GRM7: variants seen among roughly 807,000 people sequenced by gnomAD.
GRM7 encodes glutamate metabotropic receptor 7.
A neutral mutation model predicts 84.5 loss-of-function variants in GRM7; 35 were observed. That is an observed-to-expected ratio of 0.41 (90% CI 0.32 to 0.55). The LOEUF (loss-of-function observed/expected upper bound fraction) is 0.55. Ranked by LOEUF, GRM7 falls within the 20% of genes least tolerant of loss-of-function variation. The pLI is 0.19. For missense variants in GRM7, 1,003 were observed against 1,194.6 expected (o/e 0.84, Z 2.36); for synonymous variants, 487 against 455.1 (o/e 1.07, Z -0.89).
At chr3:7,381,693 G>A (rs1314541660) in intron 4 of GRM7, among the ~76,000 whole-genome samples, 1 of 152,136 alleles carries the variant, frequency 6.6e-6, no homozygotes, top group African/African-American at 2.4e-5. Context: ...TTGGTTTGTT[G>A]TGAACATTAA....
chr3:6,909,242 G>C (rs142916390), intron 1 of GRM7, among the ~76,000 whole-genome samples: 32 of 152,222 alleles, frequency 2.1e-4, no homozygotes, highest in African/African-American at 4.8e-4. Flanking sequence ...CATCTAAGGA[G>C]GTGATCATTT....
intron 2 of GRM7, among the ~76,000 whole-genome samples, chr3:7,197,803 C>G (rs886884722): frequency 2.0e-5 from 3 of 151,376 alleles, no homozygotes; most frequent in Admixed American, 6.6e-5. Context: ...TCATGCTTAA[C>G]AATTCATAAT....
At chr3:7,160,522 T>C (rs988484426) in intron 2 of GRM7, among the ~76,000 whole-genome samples, 2 of 152,054 alleles carry the variant, frequency 1.3e-5, no homozygotes, top group Non-Finnish European at 2.9e-5. Flanking sequence ...AGATTTAGGT[T>C]TCCTTTCTTT....
chr3:7,445,835 T>C (rs1474546987), intron 5 of GRM7, among the ~76,000 whole-genome samples: 1 of 152,160 alleles, frequency 6.6e-6, no homozygotes, highest in East Asian at 1.9e-4. Context: ...TCTTTAAATA[T>C]TACAAAGCTG....
chr3:7,306,637 C>T lies in GRM7; in HGVS notation c.1018C>T (p.Arg340Ter), dbSNP rs1225077372. 1.9e-6 allele frequency: 3 copies of T among 1,604,388 alleles called. No individual in the cohort carries two copies. The highest frequency in any genetic ancestry group is 2.6e-6 in the Non-Finnish European group (3 of 1,175,014). ...AGGGGCCATCACCATTCAGCCCAAG[C>T]GAGCCACGGTGGAAGGTATGGGTTT... ...AEGAITIQPK[R>*]ATVEGFDAYF... is the part of the protein sequence containing the mutation. Residue 340 changes from arginine to a stop codon, truncating the protein, a stop_gained, in exon 4 of 10, where the codon CGA becomes TGA. Coordinates refer to ENST00000357716, the MANE Select transcript of GRM7 (RefSeq NM_000844.4). LOFTEE classifies it high-confidence loss of function.
intron 1 of GRM7, among the ~76,000 whole-genome samples, chr3:7,067,813 C>T (rs1056913791): frequency 6.6e-6 from 1 of 151,930 alleles, no homozygotes; most frequent in African/African-American, 2.4e-5. Context: ...TGGAGAACAG[C>T]TAGCCAATTT....
Position 7,055,477 on chromosome 3 carries a change from CTGTGTG to C in GRM7, c.520-90951_520-90946del, listed in dbSNP as rs148298277. Among the ~76,000 whole-genome samples the C allele has an allele frequency of 3.4e-3, 494 of 143,656 alleles. 5 individuals are homozygous for C. Among genetic ancestry groups the C allele is most frequent in the South Asian group, 0.012 (52 of 4,422 alleles). The allele number at this position is 143,656 out of a possible 152,430, so 94.2% of individuals were successfully genotyped here. ...TTTTATATATAAATATTTTATATATCTGTGTGTGTGTGTGTGTGTGTGTGTGTGTAT... is the reference window on the plus strand; with the variant it reads ...TTTTATATATAAATATTTTATATATCTGTGTGTGTGTGTGTGTGTGTGTAT... On this transcript the variant is annotated intron_variant, in intron 1 of 9. Coordinates refer to ENST00000357716, the MANE Select transcript of GRM7 (RefSeq NM_000844.4).
chr3:7,619,645 G>C lies in GRM7; in HGVS notation c.2451+40288G>C, dbSNP rs1285764273. On this transcript the variant is annotated intron_variant, in intron 8 of 9. Transcript: ENST00000357716. ...TGTCTTCTGAGGAAGATCAGTGAACGTGGAAGTATCCAGAGATCTATTTTG... is the reference window on the plus strand; with the variant it reads ...TGTCTTCTGAGGAAGATCAGTGAACCTGGAAGTATCCAGAGATCTATTTTG... 2.0e-5 allele frequency among the ~76,000 whole-genome samples: 3 copies of C among 152,116 alleles called. No homozygotes were observed. The East Asian group carries it at 5.8e-4, about 29-fold the overall frequency.
At chr3:6,964,146 C>G (rs1015506749) in intron 1 of GRM7, among the ~76,000 whole-genome samples, 8 of 152,140 alleles carry the variant, frequency 5.3e-5, no homozygotes, top group African/African-American at 9.7e-5. Flanking sequence ...TAGCTTTTGA[C>G]GCTGTTAAAT....
intron 2 of GRM7, among the ~76,000 whole-genome samples, chr3:7,163,896 A>G (rs1404981307): frequency 6.6e-6 from 1 of 152,176 alleles, no homozygotes; most frequent in Admixed American, 6.5e-5. Context: ...ATGTGTTTTG[A>G]ATATTTGAAA....
At chr3:7,198,189 C>A (rs1392466738) in intron 2 of GRM7, among the ~76,000 whole-genome samples, 1 of 150,560 alleles carries the variant, frequency 6.6e-6, no homozygotes, top group Non-Finnish European at 1.5e-5. Flanking sequence ...GGAAAACAGG[C>A]ACACTAGCTA....
chr3:7,039,232 A>G (rs191175840), intron 1 of GRM7, among the ~76,000 whole-genome samples: 1 of 152,342 alleles, frequency 6.6e-6, no homozygotes, highest in Non-Finnish European at 1.5e-5. Context: ...TCAAGAAAGT[A>G]TAAGTTGTCT....
rs567333725 is a variant in GRM7, at chr3:6,934,377, G to A, written c.519+72470G>A. ...GTACTGGGCACAGATACAATAGTAA[G>A]GTACCATGAAAACTGCCCCCCACCC... is the stretch of plus-strand genomic sequence containing the variant. On this transcript the variant is annotated intron_variant, in intron 1 of 9. Transcript: ENST00000357716. Among the ~76,000 whole-genome samples the A allele has an allele frequency of 1.3e-3, 201 of 151,964 alleles. 1 individual carries two copies. Among genetic ancestry groups the A allele is most frequent in the African/African-American group, 4.7e-3 (194 of 41,452 alleles).
chr3:7,031,869 C>T (rs1210070234), intron 1 of GRM7, among the ~76,000 whole-genome samples: 2 of 152,010 alleles, frequency 1.3e-5, no homozygotes, highest in African/African-American at 4.8e-5. Flanking sequence ...TATATGAAAA[C>T]AAATCCCACC....
At chr3:7,504,812 GTCTCTA>G in intron 7 of GRM7, among the ~76,000 whole-genome samples, 1 of 152,132 alleles carries the variant, frequency 6.6e-6, no homozygotes. Context: ...ATAGCATTCT[GTCTCTA>G]GCCCCCAAAA....
chr3:7,472,091 C>G (rs545402580), intron 7 of GRM7, among the ~76,000 whole-genome samples: 101 of 152,228 alleles, frequency 6.6e-4, no homozygotes, highest in African/African-American at 2.3e-3. Flanking sequence ...AGCCCAAAAA[C>G]TCCCTCCCCT....
intron 8 of GRM7, among the ~76,000 whole-genome samples, chr3:7,647,538 C>T (rs1017252876): frequency 6.6e-6 from 1 of 152,080 alleles, no homozygotes; most frequent in African/African-American, 2.4e-5. Flanking sequence ...GAATTTAAGG[C>T]AAATACAATA....
At chr3:7,217,737 T>C (rs886285356) in intron 2 of GRM7, among the ~76,000 whole-genome samples, 1 of 149,710 alleles carries the variant, frequency 6.7e-6, no homozygotes, top group Admixed American at 6.7e-5. Context: ...AATATAAAAT[T>C]ATTTTAAAAC....
chr3:7,691,118 TTCTC>T (rs1453467262), intron 9 of GRM7: 2 of 462,314 alleles, frequency 4.3e-6, no homozygotes, highest in South Asian at 3.2e-5. Context: ...TAATCATTAT[TTCTC>T]TCTATGATCT....
Sources: gnomAD v4.1 joint callset for allele counts (sites outside exome capture counted in the v4.1 genomes callset) on GRCh38, gnomAD v4.1.1 for gene constraint, MANE v1.5 for transcripts, NCBI Gene and HGNC (gene_info 2026-07-23, HGNC 2026-07-21) for gene names.